EYS: variants seen among roughly 807,000 people sequenced by gnomAD.
EYS encodes EGF-like photoreceptor maintenance factor, also known as protein eyes shut homolog.
Under a neutral mutation model 282.1 loss-of-function variants are expected in EYS, and 250 were observed. That is an observed-to-expected ratio of 0.89 (90% CI 0.80 to 0.98). EYS has a LOEUF of 0.98. EYS is among the 50% of genes least tolerant of loss of function. EYS has a pLI of 0.00. For missense variants in EYS, 4,016 were observed against 3,709.0 expected, an observed-to-expected ratio of 1.08 and a Z score of -2.15; for synonymous variants, 1,355 against 1,282.9, an observed-to-expected ratio of 1.06 and a Z score of -1.20.
At chr6:63,811,883 G>C (rs1454204301) in intron 36 of EYS, among the ~76,000 whole-genome samples, 7 of 152,100 alleles carry the variant, frequency 4.6e-5, no homozygotes. Flanking sequence ...TGACGAATAT[G>C]TTAACTTCAT....
chr6:64,952,211 C>T (rs1769535812), intron 14 of EYS, among the ~76,000 whole-genome samples: 1 of 151,948 alleles, frequency 6.6e-6, no homozygotes, highest in Non-Finnish European at 1.5e-5. Flanking sequence ...AGTAAAAATA[C>T]ACTTCAATTA....
intron 28 of EYS, among the ~76,000 whole-genome samples, chr6:64,418,493 A>G (rs1201898491): frequency 6.6e-6 from 1 of 152,154 alleles, no homozygotes; most frequent in African/African-American, 2.4e-5. Flanking sequence ...CAGGCAAAAT[A>G]GGTCTATTTC....
intron 26 of EYS, among the ~76,000 whole-genome samples, chr6:64,517,315 T>C (rs1046427618): frequency 5.3e-5 from 8 of 151,930 alleles, no homozygotes; most frequent in Non-Finnish European, 8.8e-5. Flanking sequence ...GATGTCTAAC[T>C]GTACACTGTA....
intron 22 of EYS, among the ~76,000 whole-genome samples, chr6:64,754,345 T>C (rs1328302697): frequency 6.6e-6 from 1 of 151,422 alleles, no homozygotes; most frequent in African/African-American, 2.4e-5. Context: ...ATAGAATTAG[T>C]AATTTAAACA....
chr6:63,793,605 A>T (rs1170392322), intron 37 of EYS, among the ~76,000 whole-genome samples: 2 of 152,234 alleles, frequency 1.3e-5, no homozygotes, highest in African/African-American at 4.8e-5. Context: ...GTGACTTTCT[A>T]AGTTAAGCTT....
At chr6:63,970,996 T>C (rs890685108) in intron 35 of EYS, among the ~76,000 whole-genome samples, 5 of 152,196 alleles carry the variant, frequency 3.3e-5, no homozygotes, top group Non-Finnish European at 7.4e-5. Context: ...AATATTAAGA[T>C]TGCTGGGTTG....
intron 8 of EYS, among the ~76,000 whole-genome samples, chr6:65,363,749 C>T (rs544669059): frequency 6.6e-6 from 1 of 151,756 alleles, no homozygotes; most frequent in African/African-American, 2.4e-5. Context: ...TGTAATTTAA[C>T]TAAAACTTAG....
At chr6:65,462,927 T>A (rs1318130424) in intron 5 of EYS, among the ~76,000 whole-genome samples, 3 of 152,156 alleles carry the variant, frequency 2.0e-5, no homozygotes, top group Non-Finnish European at 1.5e-5. Context: ...GCTTGTTCTC[T>A]TGATTTCCAA....
Position 65,287,643 on chromosome 6 carries a change from C to T in EYS, c.2023+8220G>A, listed in dbSNP as rs138627428. Among the ~76,000 whole-genome samples, 815 of 151,196 alleles carry T rather than the reference C, an allele frequency of 5.4e-3. 6 individuals are homozygous for T. The highest frequency in any genetic ancestry group is 7.7e-3 in the Non-Finnish European group (522 of 67,370). On this transcript the variant is annotated intron_variant, in intron 12 of 42. Coordinates refer to ENST00000503581, the MANE Select transcript of EYS (RefSeq NM_001142800.2). ...AATTAAATCAGATTCTGAAAAAAAA[C>T]GAAACAAAACGTGTTGTACTAAAGA...
intron 10 of EYS, among the ~76,000 whole-genome samples, chr6:65,342,549 A>C (rs1022001905): frequency 5.3e-5 from 8 of 150,636 alleles, no homozygotes; most frequent in Admixed American, 3.3e-4. Context: ...CAAATTAATC[A>C]AATTATTTTG....
At chr6:65,622,769 T>C (rs1286350830) in intron 2 of EYS, among the ~76,000 whole-genome samples, 2 of 145,686 alleles carry the variant, frequency 1.4e-5, no homozygotes, top group Non-Finnish European at 3.0e-5. Flanking sequence ...TTTTTTTTTT[T>C]CTGGTTTTGA....
At chr6:63,763,427 T>C (rs1014329757) in intron 40 of EYS, among the ~76,000 whole-genome samples, 2 of 151,990 alleles carry the variant, frequency 1.3e-5, no homozygotes. Flanking sequence ...AGTAGAAGTA[T>C]GTCCTGATAT....
intron 12 of EYS, among the ~76,000 whole-genome samples, chr6:65,227,158 C>CAA (rs76953241): frequency 0.069 from 6,319 of 92,124 alleles, 204 homozygotes; most frequent in African/African-American, 0.13. Context: ...CAACAACAAC[C>CAA]AAAAAAAAAA....
At chr6:64,978,462 A>C (rs1770544075) in intron 14 of EYS, among the ~76,000 whole-genome samples, 1 of 151,944 alleles carries the variant, frequency 6.6e-6, no homozygotes. Flanking sequence ...ATCATGCAAG[A>C]ATTCTGATGG....
intron 29 of EYS, among the ~76,000 whole-genome samples, chr6:64,371,787 T>A (rs963590754): frequency 5.9e-5 from 9 of 152,158 alleles, no homozygotes; most frequent in Non-Finnish European, 1.2e-4. Context: ...GTCTTTTTTT[T>A]AAATCCTTGT....
At chr6:64,770,884 A>T (rs1024046978) in intron 22 of EYS, among the ~76,000 whole-genome samples, 8 of 151,848 alleles carry the variant, frequency 5.3e-5, no homozygotes, top group African/African-American at 1.7e-4. Context: ...AAGTTTGTAC[A>T]TTCTTAGAAA....
chr6:65,481,477 T>C (rs1178505464), intron 5 of EYS, among the ~76,000 whole-genome samples: 1 of 152,204 alleles, frequency 6.6e-6, no homozygotes, highest in Non-Finnish European at 1.5e-5. Context: ...AATTACTATT[T>C]ATTAAGTATA....
At chr6:64,125,175 T>TCTCTCTCTCTCTCGCGCGCGCGCGCG (rs1562213596) in intron 31 of EYS, among the ~76,000 whole-genome samples, 1 of 150,306 alleles carries the variant, frequency 6.7e-6, no homozygotes, top group African/African-American at 2.5e-5. Context: ...TCTCTCTCTC[T>TCTCTCTCTCTCTCGCGCGCGCGCGCG]CGCTCTCTCT....
chr6:65,152,302 G>T (rs1764631841), intron 12 of EYS, among the ~76,000 whole-genome samples: 1 of 151,876 alleles, frequency 6.6e-6, no homozygotes, highest in Admixed American at 6.6e-5. Context: ...TGTTATGAGA[G>T]GAATTTTGTC....
Sources: gnomAD v4.1 joint callset for allele counts (sites outside exome capture counted in the v4.1 genomes callset) on GRCh38, gnomAD v4.1.1 for gene constraint, MANE v1.5 for transcripts, NCBI Gene and HGNC (gene_info 2026-07-23, HGNC 2026-07-21) for gene names.